Variants in MEMO1 observed in about 807,000 individuals in gnomAD.
The protein encoded by MEMO1 is protein MEMO1.
MEMO1 carries 6 observed loss-of-function variants against 45.2 expected under a neutral mutation model. That is an observed-to-expected ratio of 0.13 (90% confidence interval 0.07 to 0.26). MEMO1 has a LOEUF of 0.26. MEMO1 is among the 10% of genes least tolerant of loss of function. MEMO1 has a pLI of 1.00. For missense variants in MEMO1, 184 were observed against 370.5 expected (o/e 0.50, Z 4.13); for synonymous variants, 78 against 124.3 (o/e 0.63, Z 2.48).
intron 2 of MEMO1, among the ~76,000 whole-genome samples, chr2:32,005,078 C>G (rs1319889314): frequency 6.6e-6 from 1 of 152,008 alleles, no homozygotes; most frequent in Non-Finnish European, 1.5e-5. Context: ...TGTCCATCAA[C>G]AGAATAAACT....
chr2:31,912,654 G>A (rs1036252400), intron 6 of MEMO1, among the ~76,000 whole-genome samples: 2 of 151,948 alleles, frequency 1.3e-5, no homozygotes, highest in Non-Finnish European at 2.9e-5. Context: ...AGAACAAAGT[G>A]TATAAGATAT....
rs190447823 is a variant in MEMO1 at position 31,931,974 on chromosome 2, A to G, written c.212+93T>C. On this transcript the variant is annotated intron_variant, in intron 4 of 9. Transcript: ENST00000404530. ...TCAAATCCCTCATGAAATTGAGTAC[A>G]TAATAACAATAAGTATAAAAAGCAA... 1.3e-3 allele frequency: 1,407 copies of G among 1,051,270 alleles called. 3 individuals carry two copies. Among genetic ancestry groups the G allele is most frequent in the Non-Finnish European group, 1.8e-3 (1,251 of 692,692 alleles). The allele number at this position is 1,051,270 out of a possible 1,614,324, so 65.1% of individuals were successfully genotyped here.
At chr2:31,896,695 TCTG>T (rs1199344436) in intron 6 of MEMO1, among the ~76,000 whole-genome samples, 1 of 152,182 alleles carries the variant, frequency 6.6e-6, no homozygotes, top group Non-Finnish European at 1.5e-5. Flanking sequence ...ATGAAAAACT[TCTG>T]CTCTTCATTA....
At chr2:32,005,332 A>T (rs1000511249) in intron 2 of MEMO1, among the ~76,000 whole-genome samples, 1 of 151,758 alleles carries the variant, frequency 6.6e-6, no homozygotes, top group African/African-American at 2.4e-5. Flanking sequence ...AAAAAAAAAA[A>T]AAAAGAAGCT....
At position 31,965,756 on chromosome 2, in the gene MEMO1, T is replaced by C. The variant is rs545160277; in HGVS notation, c.62-22373A>G. On this transcript the variant is annotated intron_variant, in intron 2 of 9. Transcript: ENST00000404530. The stretch of plus-strand genomic sequence containing the variant: ...AACACTGCATGTTCTCACTTATAAG[T>C]AGGAGCTGAACAATGAGAACACATG... Among the ~76,000 whole-genome samples the C allele has an allele frequency of 7.2e-5, 11 of 152,058 alleles. 1 individual carries two copies. In the South Asian group the frequency reaches 2.3e-3, roughly 32 times the overall value.
intron 6 of MEMO1, among the ~76,000 whole-genome samples, chr2:31,900,078 G>C (rs144257517): frequency 6.6e-6 from 1 of 152,330 alleles, no homozygotes; most frequent in African/African-American, 2.4e-5. Flanking sequence ...TTACACTGTT[G>C]ATGGGAATGT....
chr2:31,883,948 A>C (rs913742213), intron 7 of MEMO1, among the ~76,000 whole-genome samples: 1 of 151,464 alleles, frequency 6.6e-6, no homozygotes, highest in Non-Finnish European at 1.5e-5. Flanking sequence ...GACTTGTGTG[A>C]CTTTTATGAA....
intron 7 of MEMO1, among the ~76,000 whole-genome samples, chr2:31,889,725 A>G (rs943827533): frequency 3.3e-5 from 5 of 152,090 alleles, no homozygotes; most frequent in Non-Finnish European, 7.4e-5. Context: ...CCAGAACCCC[A>G]ACATATTTCT....
chr2:31,928,485 T>TGCAGTGAG (rs1683449412), intron 4 of MEMO1, among the ~76,000 whole-genome samples: 1 of 150,404 alleles, frequency 6.6e-6, no homozygotes, highest in East Asian at 2.0e-4. Context: ...AGGCGGAGGT[T>TGCAGTGAG]GCAGTGAGCC....
intron 7 of MEMO1, among the ~76,000 whole-genome samples, chr2:31,888,594 T>C (rs1676512927): frequency 6.6e-6 from 1 of 152,054 alleles, no homozygotes; most frequent in Non-Finnish European, 1.5e-5. Flanking sequence ...ACAAAAAGTA[T>C]TGGAACAATT....
At chr2:32,005,896 T>A (rs115115225) in intron 2 of MEMO1, among the ~76,000 whole-genome samples, 1 of 152,038 alleles carries the variant, frequency 6.6e-6, no homozygotes, top group Non-Finnish European at 1.5e-5. Context: ...AAAAACCACA[T>A]TGGGGAGGCA....
chr2:31,892,923 C>A (rs1035793995), intron 6 of MEMO1, among the ~76,000 whole-genome samples: 1 of 151,844 alleles, frequency 6.6e-6, no homozygotes, highest in Non-Finnish European at 1.5e-5. Flanking sequence ...CATTCAAAAC[C>A]TTTTTTAAAA....
chr2:31,870,273 T>G, intron 8 of MEMO1, among the ~76,000 whole-genome samples: 1 of 152,142 alleles, frequency 6.6e-6, no homozygotes, highest in Admixed American at 6.5e-5. Flanking sequence ...ATATCTTTCT[T>G]CCATAGAAAG....
At chr2:31,914,064 C>G (rs1402002325) in intron 6 of MEMO1, among the ~76,000 whole-genome samples, 1 of 152,140 alleles carries the variant, frequency 6.6e-6, no homozygotes, top group Non-Finnish European at 1.5e-5. Flanking sequence ...GGGTGAGTGT[C>G]AACAGGCAGA....
At chr2:31,891,403 G>T (rs565629090) in intron 7 of MEMO1, among the ~76,000 whole-genome samples, 1 of 152,022 alleles carries the variant, frequency 6.6e-6, no homozygotes, top group African/African-American at 2.4e-5. Flanking sequence ...ACGTGTCCTT[G>T]CTCTTACAAT....
intron 2 of MEMO1, among the ~76,000 whole-genome samples, chr2:32,002,103 C>G (rs1673393092): frequency 7.1e-6 from 1 of 141,290 alleles, no homozygotes; most frequent in South Asian, 2.2e-4. Flanking sequence ...TGAGATCTCG[C>G]CAGTGCCCTC....
chr2:31,993,127 T>C (rs1272865836), intron 2 of MEMO1, among the ~76,000 whole-genome samples: 4 of 151,912 alleles, frequency 2.6e-5, no homozygotes, highest in Admixed American at 6.6e-5. Context: ...GAGCTATGAC[T>C]GTGCCACCGC....
At chr2:31,919,085 T>A (rs1342334617) in intron 5 of MEMO1, among the ~76,000 whole-genome samples, 1 of 151,624 alleles carries the variant, frequency 6.6e-6, no homozygotes, top group Non-Finnish European at 1.5e-5. Context: ...GAAAGAAGAA[T>A]TTTTTCTTGC....
At chr2:31,925,673 T>C (rs531069779) in intron 4 of MEMO1, among the ~76,000 whole-genome samples, 5 of 152,152 alleles carry the variant, frequency 3.3e-5, no homozygotes, top group Admixed American at 2.0e-4. Context: ...GCAAGGAAGT[T>C]ATTTACTTTT....
Sources: gnomAD v4.1 joint callset for allele counts (sites outside exome capture counted in the v4.1 genomes callset) on GRCh38, gnomAD v4.1.1 for gene constraint, MANE v1.5 for transcripts, NCBI Gene and HGNC (gene_info 2026-07-23, HGNC 2026-07-21) for gene names.